Variants in RPL15 observed in about 807,000 individuals in gnomAD.
RPL15 encodes large ribosomal subunit protein eL15.
For missense variants in RPL15, 161 were observed against 271.8 expected (o/e 0.59, Z 2.87); for synonymous variants, 97 against 95.1 (o/e 1.02, Z -0.12).
intron 1 of RPL15, chr3:23,917,648 T>A: frequency 3.7e-6 from 2 of 536,826 alleles, no homozygotes; most frequent in Non-Finnish European, 6.6e-6. Context: ...AGCACCGCTC[T>A]GTGCTGGGGT....
intron 3 of RPL15, chr3:23,918,829 G>A: frequency 1.9e-6 from 1 of 536,828 alleles, no homozygotes; most frequent in Non-Finnish European, 3.2e-6. Flanking sequence ...GACCAAATGT[G>A]GCCTGCACAG....
Position 23,920,865 on chromosome 3 carries a change from T to C in RPL15, c.*1364T>C. On this transcript the variant is annotated 3_prime_UTR_variant, in exon 4 of 4. Transcript: ENST00000307839. The stretch of plus-strand genomic sequence containing the variant: ...AAAACAAATGGACCTTCTGTTATTT[T>C]TTGTCATCTTACAGTGCTAATGTAC... 1 of 814,500 alleles carries C rather than the reference T, an allele frequency of 1.2e-6. No homozygotes were observed. Among genetic ancestry groups the C allele is most frequent in the Non-Finnish European group, 1.5e-6 (1 of 674,072 alleles). The allele number at this position is 814,500 out of a possible 1,614,324, so 50.5% of individuals were successfully genotyped here.
At chr3:23,924,002 A>T (rs1469443837), downstream of RPL15, 1 of 152,224 alleles carries the variant, frequency 6.6e-6, no homozygotes, top group Non-Finnish European at 1.5e-5. Context: ...TCATGCATTT[A>T]GGTTGGGGTC....
At chr3:23,923,953 C>G (rs1247689833), downstream of RPL15, 2 of 152,110 alleles carry the variant, frequency 1.3e-5, no homozygotes, top group Non-Finnish European at 2.9e-5. Flanking sequence ...TTTTTCTCCC[C>G]CTGAAAACAC....
chr3:23,918,064 A>G (rs1348530515), intron 2 of RPL15, 33 bp downstream of exon 2: 22 of 1,585,134 alleles, frequency 1.4e-5, no homozygotes, highest in Non-Finnish European at 1.6e-5. Context: ...GCTTGGATAA[A>G]ATTATATTCG....
Position 23,918,620 on chromosome 3 carries a change from A to G in RPL15, c.309+44A>G, listed in dbSNP as rs1348987685. Reference sequence around the variant, plus strand: ...CAGTTATATTGAATACTGCCTGGGGATGGTGGGAGAGAGAGATTAAGCAAC... The same window carrying G: ...CAGTTATATTGAATACTGCCTGGGGGTGGTGGGAGAGAGAGATTAAGCAAC... On this transcript the variant is annotated intron_variant, in intron 3 of 3. Transcript: ENST00000307839. 5.0e-6 allele frequency: 8 copies of G among 1,594,752 alleles called. No individual in the cohort carries two copies. In the African/African-American group the frequency reaches 5.4e-5, roughly 11 times the overall value.
At chr3:23,924,134 C>T (rs140552035), downstream of RPL15, 12 of 152,310 alleles carry the variant, frequency 7.9e-5, no homozygotes, top group South Asian at 2.1e-4. Context: ...GCTGCTCAAC[C>T]GCATCAGACA....
Position 23,920,400 on chromosome 3 carries a change from T to G in RPL15, c.*899T>G, listed in dbSNP as rs1361441832. 9.1e-6 allele frequency: 9 copies of G among 985,316 alleles called. No individual in the cohort carries two copies. In the African/African-American group the frequency reaches 1.6e-4, roughly 17 times the overall value. The allele number at this position is 985,316 out of a possible 1,614,324, so 61.0% of individuals were successfully genotyped here. A position where few individuals can be genotyped will look rare whatever the true frequency, so the allele number is the denominator to read the frequency against. On this transcript the variant is annotated 3_prime_UTR_variant, in exon 4 of 4. Transcript: ENST00000307839. ...CGCATGGTTTCCAACCATATGTGTT[T>G]TCTGCAGTTATTTCTCTTGTTCTGG...
rs1466750979 is a variant in RPL15, at chr3:23,917,978, C to T, written c.119C>T (p.Pro40Leu). 1 of 1,612,790 alleles carries T rather than the reference C, an allele frequency of 6.2e-7. No homozygotes were observed. ...CAGCTCTCTGCTCTCCACAGGGCTCCCCGCCCCACCCGGCCTGATAAAGCG... is the reference window on the plus strand; with the variant it reads ...CAGCTCTCTGCTCTCCACAGGGCTCTCCGCCCCACCCGGCCTGATAAAGCG... ...YRQLSALHRA[P>L]RPTRPDKARR... The change falls in exon 2 of 4, where the codon CCC (proline) becomes CTC (leucine). Residue 40 changes from proline (P) to leucine (L), a missense_variant. Coordinates refer to ENST00000307839, the MANE Select transcript of RPL15 (RefSeq NM_002948.5).
At chr3:23,921,794 C>T (rs1441841757), downstream of RPL15, 4 of 573,150 alleles carry the variant, frequency 7.0e-6, no homozygotes, top group Admixed American at 3.2e-5. Context: ...AGGCTGGTCT[C>T]GAACTCCTGA....
Position 23,919,997 on chromosome 3 carries a change from A to G in RPL15, c.*496A>G, listed in dbSNP as rs1242194207. ...CTCCACAGTACCATTTTAAATTCAC[A>G]TAAAAGGTGAAAGCTCCTGGTTCAG... On this transcript the variant is annotated 3_prime_UTR_variant, in exon 4 of 4. Coordinates refer to ENST00000307839, the MANE Select transcript of RPL15 (RefSeq NM_002948.5). The G allele has an allele frequency of 3.0e-6, 3 of 987,018 alleles. No individual in the cohort carries two copies. The highest frequency in any genetic ancestry group is 1.7e-5 in the African/African-American group (1 of 57,376). The allele number at this position is 987,018 out of a possible 1,614,324, so 61.1% of individuals were successfully genotyped here.
rs1214829922 is a variant in RPL15, at chr3:23,920,486, T to C, written c.*985T>C. The C allele has an allele frequency of 3.0e-6, 3 of 985,330 alleles. No homozygotes were observed. The highest frequency in any genetic ancestry group is 2.3e-4 in the East Asian group (2 of 8,820). The allele number at this position is 985,330 out of a possible 1,614,324, so 61.0% of individuals were successfully genotyped here. A position where few individuals can be genotyped will look rare whatever the true frequency, so the allele number is the denominator to read the frequency against. On this transcript the variant is annotated 3_prime_UTR_variant, in exon 4 of 4. Coordinates refer to ENST00000307839, the MANE Select transcript of RPL15 (RefSeq NM_002948.5). The stretch of plus-strand genomic sequence containing the variant: ...GTTGGACCATCACTTGTGCACCCAC[T>C]TTGACTATGAGTATACCACCACATT...
Position 23,919,782 on chromosome 3 carries a change from AAGG to A in RPL15, c.*284_*286del. On this transcript the variant is annotated 3_prime_UTR_variant, in exon 4 of 4. Transcript: ENST00000307839. The stretch of plus-strand genomic sequence containing the variant: ...ATAACAGGCTTAATAAATTCTTTAA[AAGG>A]AGAGAACTGAAACTAGCCCTGTAGA... 1 of 1,124,350 alleles carries A rather than the reference AAGG, an allele frequency of 8.9e-7. No homozygotes were observed. Among genetic ancestry groups the A allele is most frequent in the Middle Eastern group, 3.8e-4 (1 of 2,608 alleles). 69.6% of individuals were successfully genotyped at this position (1,124,350 alleles called of 1,614,324 possible).
chr3:23,918,120 G>C, intron 2 of RPL15, 89 bp downstream of exon 2: 1 of 1,473,720 alleles, frequency 6.8e-7, no homozygotes. Context: ...CTGCCTCAGT[G>C]TCTTTCTTCG....
Position 23,920,179 on chromosome 3 carries a change from C to T in RPL15, c.*678C>T. The stretch of plus-strand genomic sequence containing the variant: ...TGAGCCAGTGGCCATTAGATAAATA[C>T]CTTTCAAGTGTGAGCTTAGACGTCA... On this transcript the variant is annotated 3_prime_UTR_variant, in exon 4 of 4. Transcript: ENST00000307839. 1 of 985,510 alleles carries T rather than the reference C, an allele frequency of 1.0e-6. No individual in the cohort carries two copies. Among genetic ancestry groups the T allele is most frequent in the African/African-American group, 1.7e-5 (1 of 57,344 alleles). 61.0% of individuals were successfully genotyped at this position (985,510 alleles called of 1,614,324 possible).
downstream of RPL15, chr3:23,923,110 T>G (rs1333031818): frequency 6.6e-6 from 1 of 152,196 alleles, no homozygotes; most frequent in Non-Finnish European, 1.5e-5. Context: ...GGCCTACATA[T>G]GTATTTTTTC....
intron 3 of RPL15, 62 bp downstream of exon 3, chr3:23,918,638 T>A: frequency 6.4e-7 from 1 of 1,560,964 alleles, no homozygotes; most frequent in Non-Finnish European, 8.7e-7. Context: ...AGAGAGAGAT[T>A]AAGCAACTTT....
At chr3:23,918,741 C>A in intron 3 of RPL15, 165 bp downstream of exon 3, 1 of 818,818 alleles carries the variant, frequency 1.2e-6, no homozygotes, top group Non-Finnish European at 1.9e-6. Context: ...AAAGACTTGT[C>A]TTTGTTACAA....
At chr3:23,917,811 TAA>T in intron 1 of RPL15, 37 bp from the exon 2 acceptor site, 1 of 1,562,046 alleles carries the variant, frequency 6.4e-7, no homozygotes, top group Non-Finnish European at 8.7e-7. Flanking sequence ...TTATTGTACT[TAA>T]AGCGGATGAT....
Sources: gnomAD v4.1 joint callset for allele counts on GRCh38, gnomAD v4.1.1 for gene constraint, MANE v1.5 for transcripts, NCBI Gene and HGNC (gene_info 2026-07-23, HGNC 2026-07-21) for gene names.